The following HEMK2 variants were observed in gnomAD, a reference collection of about 807,000 sequenced individuals.
HEMK2 encodes HemK methyltransferase 2, ETF1 glutamine and histone H4 lysine, also known as methyltransferase HEMK2.
the HEMK2 span, among the ~76,000 whole-genome samples, chr21:28,862,921 A>C: frequency 6.6e-6 from 1 of 152,238 alleles, no homozygotes; most frequent in East Asian, 1.9e-4. Context: ...AGGATAGTTG[A>C]ATTATGTTAC....
chr21:28,877,424 A>AAG, the HEMK2 span, among the ~76,000 whole-genome samples: 4 of 151,442 alleles, frequency 2.6e-5, no homozygotes, highest in South Asian at 8.4e-4. Context: ...GAAGGAAAGA[A>AAG]AGAGAGAGAG....
At chr21:28,786,823 T>A in the HEMK2 span, among the ~76,000 whole-genome samples, 1 of 152,208 alleles carries the variant, frequency 6.6e-6, no homozygotes, top group Non-Finnish European at 1.5e-5. Flanking sequence ...TTTAAAAGAA[T>A]GAAAATCTTG....
the HEMK2 span, among the ~76,000 whole-genome samples, chr21:28,706,339 C>T: frequency 3.3e-5 from 5 of 152,124 alleles, no homozygotes; most frequent in East Asian, 1.9e-4. Flanking sequence ...GATTATTTAA[C>T]GACTCTATAA....
chr21:28,876,195 T>C, the HEMK2 span: 1 of 399,900 alleles, frequency 2.5e-6, no homozygotes, highest in Non-Finnish European at 4.4e-6. Context: ...AAACTATAAA[T>C]ATAATACACA....
At chr21:28,645,707 A>G in the HEMK2 span, among the ~76,000 whole-genome samples, 1 of 152,140 alleles carries the variant, frequency 6.6e-6, no homozygotes, top group Non-Finnish European at 1.5e-5. Context: ...TGAGGTCAGA[A>G]CCCTTGTAAA....
the HEMK2 span, among the ~76,000 whole-genome samples, chr21:28,799,912 G>A: frequency 3.3e-5 from 5 of 152,290 alleles, no homozygotes; most frequent in East Asian, 9.6e-4. Flanking sequence ...GTTCAGTGAT[G>A]AGAGGACCCA....
At chr21:28,783,708 C>T in the HEMK2 span, among the ~76,000 whole-genome samples, 1 of 152,236 alleles carries the variant, frequency 6.6e-6, no homozygotes, top group African/African-American at 2.4e-5. Flanking sequence ...CCTCTCTGGG[C>T]TAGCCGAGGC....
chr21:28,864,860 T>TAGATAGATAGATAGAC, the HEMK2 span, among the ~76,000 whole-genome samples: 1 of 112,068 alleles, frequency 8.9e-6, no homozygotes, highest in Admixed American at 8.9e-5. Context: ...GATAGATAGA[T>TAGATAGATAGATAGAC]AGATAGATGG....
At chr21:28,612,261 G>A in the HEMK2 span, among the ~76,000 whole-genome samples, 2 of 151,362 alleles carry the variant, frequency 1.3e-5, no homozygotes, top group African/African-American at 4.8e-5. Flanking sequence ...TAGCAGGAAT[G>A]CAGGAATAGT....
the HEMK2 span, among the ~76,000 whole-genome samples, chr21:28,814,930 C>T: frequency 2.0e-5 from 3 of 152,258 alleles, no homozygotes; most frequent in East Asian, 1.9e-4. Context: ...CACATGCACA[C>T]GTATGTTTAC....
the HEMK2 span, among the ~76,000 whole-genome samples, chr21:28,673,063 A>AAGAGAAGAG: frequency 6.6e-6 from 1 of 151,576 alleles, no homozygotes; most frequent in Admixed American, 6.6e-5. Context: ...AAAGAAAGAA[A>AAGAGAAGAG]AGAGAAGAGA....
At chr21:28,617,000 C>T in the HEMK2 span, among the ~76,000 whole-genome samples, 2 of 152,258 alleles carry the variant, frequency 1.3e-5, no homozygotes, top group East Asian at 3.9e-4. Context: ...GCTTAGGCTC[C>T]AGTGAGCTGG....
At chr21:28,702,826 T>C in the HEMK2 span, among the ~76,000 whole-genome samples, 5 of 152,260 alleles carry the variant, frequency 3.3e-5, no homozygotes, top group Middle Eastern at 3.4e-3. Context: ...CCCAAAGGAA[T>C]ATAAATCATT....
chr21:28,724,808 G>T, the HEMK2 span, among the ~76,000 whole-genome samples: 2,227 of 152,114 alleles, frequency 0.015, 55 homozygotes, highest in African/African-American at 0.051. Flanking sequence ...TTGAGACAGG[G>T]TCTCACTCTG....
the HEMK2 span, among the ~76,000 whole-genome samples, chr21:28,629,498 C>T: frequency 2.0e-5 from 3 of 152,322 alleles, no homozygotes; most frequent in South Asian, 6.2e-4. Flanking sequence ...CTAATATAAA[C>T]AAATGCTCAT....
At chr21:28,662,578 C>T in the HEMK2 span, among the ~76,000 whole-genome samples, 15 of 152,050 alleles carry the variant, frequency 9.9e-5, no homozygotes, top group African/African-American at 3.4e-4. Flanking sequence ...TCTCGTGTGT[C>T]GTGGGAGGGA....
chr21:28,882,398 G>C, the HEMK2 span: 1 of 560,754 alleles, frequency 1.8e-6, no homozygotes, highest in South Asian at 2.1e-5. Context: ...CAAAGAAAAA[G>C]AGAACAAGGA....
At chr21:28,601,068 T>C in the HEMK2 span, among the ~76,000 whole-genome samples, 1 of 152,246 alleles carries the variant, frequency 6.6e-6, no homozygotes, top group East Asian at 1.9e-4. Context: ...ATGTCAACTC[T>C]GGTTCAAAAT....
the HEMK2 span, among the ~76,000 whole-genome samples, chr21:28,800,613 C>A: frequency 6.6e-6 from 1 of 151,616 alleles, no homozygotes; most frequent in Non-Finnish European, 1.5e-5. Context: ...CATGTGTATG[C>A]CTTTGTGTGT....
Sources: allele counts gnomAD v4.1 joint callset (sites outside exome capture counted in the v4.1 genomes callset), GRCh38; gene constraint gnomAD v4.1.1; transcripts MANE v1.5; gene names NCBI Gene and HGNC (gene_info 2026-07-23, HGNC 2026-07-21).